Variants in VWC2L observed in about 807,000 individuals in gnomAD.
The protein encoded by VWC2L is von Willebrand factor C domain-containing protein 2-like.
In VWC2L, 10 loss-of-function variants were observed where a neutral mutation model predicts 21.6. That is an observed-to-expected ratio of 0.46 (90% CI 0.29 to 0.78). The LOEUF (loss-of-function observed/expected upper bound fraction) is 0.78, where lower values mean the gene tolerates loss of function less well. VWC2L is among the 30% of genes least tolerant of loss of function. The pLI, the probability that VWC2L is intolerant of heterozygous loss-of-function variation, is 0.10. For synonymous variants in VWC2L, 96 were observed against 94.3 expected (o/e 1.02, Z -0.10); for missense variants, 209 against 277.1 (o/e 0.75, Z 1.74).
At chr2:214,468,540 A>G in intron 3 of VWC2L, among the ~76,000 whole-genome samples, 1 of 152,236 alleles carries the variant, frequency 6.6e-6, no homozygotes, top group East Asian at 1.9e-4. Flanking sequence ...TTTCTAATTG[A>G]CTACCTTAAA....
intron 3 of VWC2L, among the ~76,000 whole-genome samples, chr2:214,511,169 G>T (rs1295213792): frequency 1.3e-5 from 2 of 152,032 alleles, no homozygotes; most frequent in African/African-American, 4.8e-5. Context: ...GGAGGCCAAG[G>T]CAGGAAGATC....
intron 3 of VWC2L, among the ~76,000 whole-genome samples, chr2:214,457,846 A>T (rs936283222): frequency 7.2e-5 from 11 of 152,202 alleles, no homozygotes; most frequent in Admixed American, 2.0e-4. Context: ...TCTTTTGCAT[A>T]TGCCATTGAA....
At chr2:214,484,676 T>A (rs575714305) in intron 3 of VWC2L, among the ~76,000 whole-genome samples, 41 of 152,270 alleles carry the variant, frequency 2.7e-4, no homozygotes, top group African/African-American at 9.6e-4. Flanking sequence ...ATCAATGAAG[T>A]TTTTAAAGCT....
chr2:214,548,519 C>T (rs950123878), intron 3 of VWC2L, among the ~76,000 whole-genome samples: 1 of 152,158 alleles, frequency 6.6e-6, no homozygotes, highest in African/African-American at 2.4e-5. Flanking sequence ...GGGAACTCAA[C>T]CAAGTCCAGT....
intron 3 of VWC2L, among the ~76,000 whole-genome samples, chr2:214,502,668 G>A (rs559681335): frequency 2.3e-4 from 35 of 152,256 alleles, no homozygotes; most frequent in African/African-American, 3.6e-4. Context: ...TCATAATGAC[G>A]TAAAATTGTT....
chr2:214,488,947 TCACCCAA>T (rs1220637886), intron 3 of VWC2L, among the ~76,000 whole-genome samples: 1 of 152,180 alleles, frequency 6.6e-6, no homozygotes, highest in African/African-American at 2.4e-5. Context: ...TCCACCCCCA[TCACCCAA>T]CACCTCCCAT....
intron 3 of VWC2L, among the ~76,000 whole-genome samples, chr2:214,571,578 A>T (rs1289339534): frequency 2.0e-5 from 3 of 152,206 alleles, no homozygotes; most frequent in Non-Finnish European, 4.4e-5. Flanking sequence ...ATACTATTTC[A>T]TTCAGTTAAA....
intron 3 of VWC2L, among the ~76,000 whole-genome samples, chr2:214,540,506 G>T (rs1011508097): frequency 2.7e-4 from 41 of 152,232 alleles, no homozygotes; most frequent in African/African-American, 9.9e-4. Context: ...GTTTCTCCTT[G>T]CATACAGCGG....
In VWC2L at chr2:214,577,089, C is replaced by T. The variant is rs967989495; in HGVS notation, c.*1269C>T. Reference sequence around the variant, plus strand: ...ACACACAGGGTATCTGATGCCACCTCGATTCAAGTGCAAAATTAACAATTC... The same window carrying T: ...ACACACAGGGTATCTGATGCCACCTTGATTCAAGTGCAAAATTAACAATTC... On this transcript the variant is annotated 3_prime_UTR_variant, in exon 4 of 4. Transcript: ENST00000312504. The T allele has an allele frequency of 5.9e-5, 9 of 152,258 alleles. No homozygotes were observed. The highest frequency in any genetic ancestry group is 1.9e-4 in the African/African-American group (8 of 41,568). The allele number at this position is 152,258 out of a possible 1,614,324, so 9.4% of individuals were successfully genotyped here.
At chr2:214,480,810 A>C (rs140436895) in intron 3 of VWC2L, among the ~76,000 whole-genome samples, 1,526 of 150,584 alleles carry the variant, frequency 0.01, 14 homozygotes, top group Middle Eastern at 0.024. Context: ...GACCACACCT[A>C]ACAGAATAAA....
chr2:214,454,200 C>A (rs1703019502), intron 3 of VWC2L, among the ~76,000 whole-genome samples: 1 of 152,072 alleles, frequency 6.6e-6, no homozygotes, highest in Non-Finnish European at 1.5e-5. Context: ...GAATTTTCCA[C>A]ATAGACAATC....
At chr2:214,561,080 G>T (rs1423497727) in intron 3 of VWC2L, among the ~76,000 whole-genome samples, 2 of 152,214 alleles carry the variant, frequency 1.3e-5, no homozygotes, top group Non-Finnish European at 1.5e-5. Flanking sequence ...TTCTAAAGCA[G>T]TGGTTCTCAA....
chr2:214,426,823 T>C (rs1702530476), intron 2 of VWC2L, among the ~76,000 whole-genome samples: 1 of 152,250 alleles, frequency 6.6e-6, no homozygotes, highest in South Asian at 2.1e-4. Flanking sequence ...TTGTTGAATG[T>C]GTTCAATTAT....
chr2:214,516,853 C>T (rs940234743), intron 3 of VWC2L, among the ~76,000 whole-genome samples: 25 of 152,132 alleles, frequency 1.6e-4, no homozygotes, highest in South Asian at 1.0e-3. Flanking sequence ...TTCTCTAAGC[C>T]TCACTTTCCT....
intron 2 of VWC2L, among the ~76,000 whole-genome samples, chr2:214,420,836 TTC>T (rs1702427544): frequency 6.6e-6 from 1 of 152,206 alleles, no homozygotes; most frequent in African/African-American, 2.4e-5. Flanking sequence ...AAAATGCAGT[TTC>T]TGTTTTGCAG....
chr2:214,416,562 A>G (rs966143489), intron 2 of VWC2L, among the ~76,000 whole-genome samples: 1 of 152,072 alleles, frequency 6.6e-6, no homozygotes, highest in Non-Finnish European at 1.5e-5. Flanking sequence ...AACTGAGACC[A>G]AAAAAGTATA....
chr2:214,503,730 G>GAAA (rs5838438), intron 3 of VWC2L, among the ~76,000 whole-genome samples: 315 of 143,212 alleles, frequency 2.2e-3, no homozygotes, highest in Admixed American at 0.011. Flanking sequence ...CCAGAAATGA[G>GAAA]AAAAAAAAAA....
intron 3 of VWC2L, among the ~76,000 whole-genome samples, chr2:214,505,682 C>G (rs1286406656): frequency 6.6e-6 from 1 of 152,046 alleles, no homozygotes; most frequent in Non-Finnish European, 1.5e-5. Context: ...TTTTAACTGT[C>G]TTATAAAATT....
intron 3 of VWC2L, among the ~76,000 whole-genome samples, chr2:214,522,374 CA>C (rs5838440): frequency 0.28 from 29,092 of 102,624 alleles, 3,331 homozygotes; most frequent in South Asian, 0.41. Flanking sequence ...GACCCCGTCT[CA>C]AAAAAAAAAA....
Sources: allele counts gnomAD v4.1 joint callset (sites outside exome capture counted in the v4.1 genomes callset), GRCh38; gene constraint gnomAD v4.1.1; transcripts MANE v1.5; gene names NCBI Gene and HGNC (gene_info 2026-07-23, HGNC 2026-07-21).